Variants in CAMTA1 observed in about 807,000 individuals in gnomAD.
CAMTA1 encodes the protein calmodulin-binding transcription activator 1.
A neutral mutation model predicts 170.9 loss-of-function variants in CAMTA1; 27 were observed. The observed-to-expected ratio is 0.16, with a 90% CI of 0.12 to 0.22. CAMTA1 has a LOEUF of 0.22. Ranked by LOEUF, CAMTA1 falls within the 10% of genes least tolerant of loss-of-function variation. CAMTA1 has a pLI of 1.00. For missense variants in CAMTA1, 1,619 were observed against 2,217.2 expected, an observed-to-expected ratio of 0.73 and a Z score of 5.42; for synonymous variants, 833 against 891.5, an observed-to-expected ratio of 0.93 and a Z score of 1.17.
intron 5 of CAMTA1, among the ~76,000 whole-genome samples, chr1:7,390,896 T>C (rs1304068293): frequency 1.3e-5 from 2 of 152,238 alleles, no homozygotes; most frequent in African/African-American, 4.8e-5. Flanking sequence ...TGGCCATTTC[T>C]ACACTTTCAT....
intron 11 of CAMTA1, among the ~76,000 whole-genome samples, chr1:7,726,794 A>C (rs1278328726): frequency 6.6e-6 from 1 of 152,206 alleles, no homozygotes; most frequent in African/African-American, 2.4e-5. Context: ...AAGAACTAAA[A>C]ATCTCAGAAC....
At chr1:7,232,697 G>C (rs1279950868) in intron 4 of CAMTA1, among the ~76,000 whole-genome samples, 1 of 152,048 alleles carries the variant, frequency 6.6e-6, no homozygotes, top group Non-Finnish European at 1.5e-5. Context: ...GGCTGTTTAT[G>C]TAGCTCTCCC....
At chr1:7,106,062 A>C (rs1258484123) in intron 4 of CAMTA1, among the ~76,000 whole-genome samples, 1 of 152,106 alleles carries the variant, frequency 6.6e-6, no homozygotes, top group Non-Finnish European at 1.5e-5. Flanking sequence ...TAGTTATCTT[A>C]TTTCTTTTAG....
At chr1:6,897,374 G>A (rs1444150216) in intron 3 of CAMTA1, among the ~76,000 whole-genome samples, 1 of 143,172 alleles carries the variant, frequency 7.0e-6, no homozygotes, top group Non-Finnish European at 1.5e-5. Flanking sequence ...TTTAGGGTCA[G>A]TGTGGGGCGG....
intron 9 of CAMTA1, among the ~76,000 whole-genome samples, chr1:7,670,116 A>AAGCT (rs976926348): frequency 1.3e-5 from 2 of 152,150 alleles, no homozygotes; most frequent in African/African-American, 4.8e-5. Context: ...AGGTCATTCG[A>AAGCT]GGCTGCTCCC....
intron 3 of CAMTA1, among the ~76,000 whole-genome samples, chr1:7,085,406 T>A (rs1640608822): frequency 6.6e-6 from 1 of 152,192 alleles, no homozygotes; most frequent in African/African-American, 2.4e-5. Flanking sequence ...TCAGCAGTCA[T>A]CTTCAGACAC....
chr1:7,337,962 GTA>G (rs573913106), intron 5 of CAMTA1, among the ~76,000 whole-genome samples: 1 of 145,934 alleles, frequency 6.9e-6, no homozygotes, highest in African/African-American at 2.6e-5. Context: ...AAATAAACAT[GTA>G]TATATATATG....
rs189062303 is a variant in CAMTA1, at chr1:6,957,110, T to C, written c.234+131900T>C. ...GAAACCATGTGATTCAACAGAGGGA[T>C]GATGGAGGCTTGCTTCAGATGCGCT... is the stretch of plus-strand genomic sequence containing the variant. On this transcript the variant is annotated intron_variant, in intron 3 of 22. Coordinates refer to ENST00000303635, the MANE Select transcript of CAMTA1 (RefSeq NM_015215.4). 1.9e-3 allele frequency among the ~76,000 whole-genome samples: 291 copies of C among 152,322 alleles called. 1 individual carries two copies. Among genetic ancestry groups the C allele is most frequent in the Middle Eastern group, 6.8e-3 (2 of 294 alleles).
chr1:7,253,914 G>A (rs745601870), intron 5 of CAMTA1, among the ~76,000 whole-genome samples: 3 of 152,112 alleles, frequency 2.0e-5, no homozygotes, highest in Non-Finnish European at 4.4e-5. Context: ...CTGGGATGCA[G>A]TGATGTAAAG....
intron 4 of CAMTA1, among the ~76,000 whole-genome samples, chr1:7,192,522 A>G (rs1654731405): frequency 6.6e-6 from 1 of 152,178 alleles, no homozygotes; most frequent in South Asian, 2.1e-4. Flanking sequence ...GGAATTTTTG[A>G]GTTAGATCTA....
chr1:7,715,197 G>GA lies in CAMTA1; in HGVS notation c.2915-17247dup, dbSNP rs555710341. On this transcript the variant is annotated intron_variant, in intron 11 of 22. Transcript: ENST00000303635. ...GGGGGAATGGGCTGGGACAGGGAAG[G>GA]AAAATCAGGAAAAGGGGGGAAGAGC... Among the ~76,000 whole-genome samples, 868 of 152,250 alleles carry GA rather than the reference G, an allele frequency of 5.7e-3. 7 individuals carry two copies. Among genetic ancestry groups the GA allele is most frequent in the African/African-American group, 0.019 (784 of 41,530 alleles).
chr1:7,699,923 A>G (rs2096420289), intron 11 of CAMTA1, among the ~76,000 whole-genome samples: 1 of 152,240 alleles, frequency 6.6e-6, no homozygotes, highest in East Asian at 1.9e-4. Context: ...TATTTGAGAT[A>G]CAAGTCCCTT....
chr1:7,506,629 A>G (rs146384257), intron 6 of CAMTA1, among the ~76,000 whole-genome samples: 1 of 151,980 alleles, frequency 6.6e-6, no homozygotes, highest in East Asian at 1.9e-4. Flanking sequence ...CTAATGTTCA[A>G]CATTCACACT....
Position 7,664,539 on chromosome 1 carries a change from G to A in CAMTA1, c.1992G>A (p.Thr664=), listed in dbSNP as rs753819013. The change falls in exon 9 of 23, where the codon ACG becomes ACA. Residue 664 remains threonine, a synonymous_variant. Transcript: ENST00000303635. ...QTSSCSGHVE[T]RIESTSSLHL... is the part of the protein sequence containing the mutation. ...GCTCCTGCAGCGGTCACGTGGAGAC[G>A]CGGATCGAGTCCACTTCCTCCCTCC... 2.2e-5 allele frequency: 35 copies of A among 1,613,148 alleles called. 1 individual carries two copies. The South Asian group carries it at 2.7e-4, about 13-fold the overall frequency.
At chr1:7,137,034 C>T (rs987394952) in intron 4 of CAMTA1, among the ~76,000 whole-genome samples, 5 of 152,154 alleles carry the variant, frequency 3.3e-5, no homozygotes, top group African/African-American at 9.7e-5. Flanking sequence ...CGGACTTAAG[C>T]GTCTGAACAA....
intron 5 of CAMTA1, among the ~76,000 whole-genome samples, chr1:7,375,388 G>A (rs996089171): frequency 3.9e-5 from 6 of 152,178 alleles, no homozygotes; most frequent in Non-Finnish European, 8.8e-5. Context: ...CTCCAGTGGG[G>A]CCCTTGAATC....
At position 7,635,184 on chromosome 1, in the gene CAMTA1, A is replaced by G. The variant is rs2095701560; in HGVS notation, c.511-5216A>G. ...ATCTCTCATGAAAACTCCATAGCCC[A>G]GGGAGGGGCTTCTGCACAAGCTCTT... On this transcript the variant is annotated intron_variant, in intron 6 of 22. Coordinates refer to ENST00000303635, the MANE Select transcript of CAMTA1 (RefSeq NM_015215.4). This position sits in a 1 kb window ranked among gnomAD's most constrained non-coding sequence, Gnocchi z 4.4. Among the ~76,000 whole-genome samples the G allele has an allele frequency of 6.6e-6, 1 of 152,184 alleles. No individual in the cohort carries two copies.
chr1:7,749,422 C>G (rs956763332), intron 19 of CAMTA1, among the ~76,000 whole-genome samples: 5 of 152,090 alleles, frequency 3.3e-5, no homozygotes, highest in African/African-American at 1.2e-4. Flanking sequence ...TAGCAGGGAG[C>G]CGCACTGGCT....
intron 3 of CAMTA1, among the ~76,000 whole-genome samples, chr1:7,038,528 G>C (rs1703969314): frequency 6.6e-6 from 1 of 152,162 alleles, no homozygotes; most frequent in East Asian, 1.9e-4. Flanking sequence ...CCTGTGGCTA[G>C]CATTTCATTT....
Sources: allele counts gnomAD v4.1 joint callset (sites outside exome capture counted in the v4.1 genomes callset), GRCh38; gene constraint gnomAD v4.1.1; non-coding constraint Gnocchi (gnomAD v3.1); transcripts MANE v1.5; gene names NCBI Gene and HGNC (gene_info 2026-07-23, HGNC 2026-07-21).